The following TANC1 variants were observed in gnomAD, a reference collection of about 807,000 sequenced individuals.
TANC1 encodes protein TANC1.
In TANC1, 77 loss-of-function variants were observed where a neutral mutation model predicts 149.7. That is an observed-to-expected ratio of 0.51 (90% confidence interval 0.43 to 0.62). The LOEUF is 0.62. TANC1 is among the 20% of genes least tolerant of loss of function. TANC1 has a pLI of 0.00. For synonymous variants in TANC1, 854 were observed against 925.0 expected, an observed-to-expected ratio of 0.92 and a Z score of 1.39; for missense variants, 1,985 against 2,321.8, an observed-to-expected ratio of 0.85 and a Z score of 2.98.
At chr2:159,056,504 G>A (rs530869693) in intron 2 of TANC1, 1 of 153,534 alleles carries the variant, frequency 6.5e-6, no homozygotes, top group African/African-American at 2.4e-5. Flanking sequence ...GTAGAGACGG[G>A]GTTTCGCCGT....
intron 23 of TANC1, 186 bp downstream of exon 23, chr2:159,224,550 G>A (rs759036405): frequency 7.3e-6 from 5 of 681,084 alleles, no homozygotes; most frequent in African/African-American, 1.8e-5. Context: ...GTGTTTCTGC[G>A]GGGAGGGTGT....
intron 2 of TANC1, among the ~76,000 whole-genome samples, chr2:159,033,815 A>C (rs533384953): frequency 6.6e-6 from 1 of 152,276 alleles, no homozygotes; most frequent in South Asian, 2.1e-4. Context: ...GTCACATTCA[A>C]CCTGCATGTG....
chr2:158,973,779 A>T (rs1175310250), intron 1 of TANC1, among the ~76,000 whole-genome samples: 1 of 152,176 alleles, frequency 6.6e-6, no homozygotes, highest in Non-Finnish European at 1.5e-5. Flanking sequence ...GGATATGAAG[A>T]TTCTTAATGT....
intron 1 of TANC1, among the ~76,000 whole-genome samples, chr2:158,997,480 A>G (rs6720933): frequency 0.45 from 68,521 of 152,050 alleles, 16,245 homozygotes; most frequent in African/African-American, 0.59. Flanking sequence ...GAGCTTAGAA[A>G]CAATAACACC....
intron 7 of TANC1, among the ~76,000 whole-genome samples, chr2:159,162,201 C>A (rs1337358312): frequency 6.6e-6 from 1 of 152,202 alleles, no homozygotes; most frequent in Non-Finnish European, 1.5e-5. Flanking sequence ...AGCTAATTTA[C>A]CAGCCTTCTG....
intron 19 of TANC1, among the ~76,000 whole-genome samples, chr2:159,211,954 C>T (rs749202503): frequency 1.3e-5 from 2 of 152,210 alleles, no homozygotes; most frequent in African/African-American, 2.4e-5. Context: ...CCCGGGGTGG[C>T]GCACTCGCCC....
chr2:159,105,233 A>G (rs2047059387), intron 4 of TANC1, among the ~76,000 whole-genome samples: 1 of 151,638 alleles, frequency 6.6e-6, no homozygotes, highest in Admixed American at 6.6e-5. Flanking sequence ...TGATCCCATG[A>G]TCCGCCCACC....
rs1156778105 is a variant in TANC1, at chr2:159,201,454, G to A, written c.3244+2401G>A. Among the ~76,000 whole-genome samples the A allele has an allele frequency of 3.3e-5, 5 of 152,186 alleles. No individual in the cohort carries two copies. In the East Asian group the frequency reaches 7.7e-4, roughly 23 times the overall value. ...AGCTCACAGTCCTGGTTCTCACCAA[G>A]GCTCAACTTCAAGCCATGGGCCCCG... On this transcript the variant is annotated intron_variant, in intron 19 of 26. Coordinates refer to ENST00000263635, the MANE Select transcript of TANC1 (RefSeq NM_033394.3).
chr2:159,125,951 A>G (rs1020955156), intron 4 of TANC1, among the ~76,000 whole-genome samples: 1 of 152,104 alleles, frequency 6.6e-6, no homozygotes, highest in Admixed American at 6.5e-5. Flanking sequence ...GGCTGCCTGC[A>G]TTCCTGTTTG....
intron 17 of TANC1, 101 bp from the exon 18 acceptor site, chr2:159,196,507 C>A: frequency 1.0e-6 from 1 of 960,768 alleles, no homozygotes. Context: ...ACCCCATGTA[C>A]GCTTACAGGG....
intron 17 of TANC1, among the ~76,000 whole-genome samples, 191 bp from the exon 18 acceptor site, chr2:159,196,416 CT>C (rs2057851807): frequency 6.6e-6 from 1 of 152,196 alleles, no homozygotes; most frequent in African/African-American, 2.4e-5. Context: ...AACCTGAGGC[CT>C]GGAATGGTAC....
intron 2 of TANC1, among the ~76,000 whole-genome samples, chr2:159,063,841 G>C (rs576690289): frequency 6.6e-6 from 1 of 152,132 alleles, no homozygotes; most frequent in East Asian, 1.9e-4. Flanking sequence ...TCCTTGCCCC[G>C]TGTGATGCCT....
In TANC1 at chr2:159,219,607, G is replaced by A. The variant is rs979692202; in HGVS notation, c.3503-85G>A. 1.8e-5 allele frequency: 27 copies of A among 1,523,606 alleles called. No homozygotes were observed. In the African/African-American group the frequency reaches 1.8e-4, roughly 10 times the overall value. 94.4% of individuals were successfully genotyped at this position (1,523,606 alleles called of 1,614,324 possible). ...GCTTGACTGACACTTGGTTCAGGCC[G>A]GGTGTTCCGCAGGTGTGAAACAATT... is the stretch of plus-strand genomic sequence containing the variant. On this transcript the variant is annotated intron_variant, in intron 21 of 26. Coordinates refer to ENST00000263635, the MANE Select transcript of TANC1 (RefSeq NM_033394.3).
At chr2:159,117,224 C>G (rs1465760078) in intron 4 of TANC1, among the ~76,000 whole-genome samples, 1 of 152,136 alleles carries the variant, frequency 6.6e-6, no homozygotes, top group African/African-American at 2.4e-5. Context: ...GGGTGAACTT[C>G]TATTTTTAAT....
intron 2 of TANC1, among the ~76,000 whole-genome samples, chr2:159,033,042 G>A (rs781658738): frequency 6.6e-6 from 1 of 152,146 alleles, no homozygotes; most frequent in Admixed American, 6.5e-5. Context: ...AGCCTTGGCC[G>A]GTCCGTCAGC....
intron 2 of TANC1, among the ~76,000 whole-genome samples, chr2:159,033,678 G>A (rs760520520): frequency 3.3e-5 from 5 of 152,162 alleles, no homozygotes; most frequent in African/African-American, 9.7e-5. Flanking sequence ...TAAGAATGAC[G>A]GGACATGGGA....
Position 159,224,017 on chromosome 2 carries a change from A to G in TANC1, c.3679-215A>G, listed in dbSNP as rs2059866879. Among the ~76,000 whole-genome samples the G allele has an allele frequency of 3.3e-5, 5 of 152,278 alleles. No homozygotes were observed. The South Asian group carries it at 1.0e-3, about 32-fold the overall frequency. ...TGGTAGCGTGTCCCCTGCTTTCCTC[A>G]TCCCTGACAGCAAAATCTCTTCAGC... On this transcript the variant is annotated intron_variant, in intron 22 of 26. Transcript: ENST00000263635.
chr2:159,020,450 T>A (rs1252133204), intron 2 of TANC1, among the ~76,000 whole-genome samples: 1 of 152,212 alleles, frequency 6.6e-6, no homozygotes, highest in African/African-American at 2.4e-5. Context: ...TAAAGTGATT[T>A]TTTTTTTCCT....
intron 1 of TANC1, among the ~76,000 whole-genome samples, chr2:158,973,919 A>G (rs1001654669): frequency 2.0e-5 from 3 of 152,210 alleles, no homozygotes; most frequent in Non-Finnish European, 4.4e-5. Flanking sequence ...GTTGGTCATT[A>G]TTCCCATGTA....
Sources: gnomAD v4.1 joint callset for allele counts (sites outside exome capture counted in the v4.1 genomes callset) on GRCh38, gnomAD v4.1.1 for gene constraint, MANE v1.5 for transcripts, NCBI Gene and HGNC (gene_info 2026-07-23, HGNC 2026-07-21) for gene names.